CREB3L2: variants seen among roughly 807,000 people sequenced by gnomAD.
The protein encoded by CREB3L2 is cAMP responsive element binding protein 3 like 2, also known as cyclic AMP-responsive element-binding protein 3-like protein 2.
Under a neutral mutation model 57.2 loss-of-function variants are expected in CREB3L2, and 23 were observed. The ratio of observed to expected loss-of-function variants is 0.40; its 90% CI spans 0.29 to 0.57. The LOEUF is 0.57. Ranked by LOEUF, CREB3L2 falls within the 20% of genes least tolerant of loss-of-function variation. The pLI, the probability that CREB3L2 is intolerant of heterozygous loss-of-function variation, is 0.42. For synonymous variants in CREB3L2, 268 were observed against 265.1 expected (o/e 1.01, Z -0.11); for missense variants, 628 against 634.7 (o/e 0.99, Z 0.11).
intron 8 of CREB3L2, among the ~76,000 whole-genome samples, chr7:137,899,515 G>A (rs150847033): frequency 6.6e-6 from 1 of 151,792 alleles, no homozygotes; most frequent in Non-Finnish European, 1.5e-5. Context: ...ATGCTGGCTC[G>A]GGGAGCAGGA....
Position 137,991,634 on chromosome 7 carries a change from C to T in CREB3L2, c.102+9970G>A, listed in dbSNP as rs190489754. Among the ~76,000 whole-genome samples the T allele has an allele frequency of 4.6e-3, 693 of 152,198 alleles. 4 individuals are homozygous for T. The highest frequency in any genetic ancestry group is 0.016 in the African/African-American group (653 of 41,554). On this transcript the variant is annotated intron_variant, in intron 1 of 11. Transcript: ENST00000330387. ...ATAGATCAAAAGGCACGGCCGAGCA[C>T]AGTGGCTCATGCCTGTAATCCCAGC... is the stretch of plus-strand genomic sequence containing the variant.
chr7:137,967,744 G>A (rs1038574329), intron 1 of CREB3L2, among the ~76,000 whole-genome samples: 9 of 152,282 alleles, frequency 5.9e-5, no homozygotes, highest in East Asian at 1.9e-4. Flanking sequence ...CCAGGAACAG[G>A]AAGCCTGCCC....
At position 137,980,742 on chromosome 7, in the gene CREB3L2, T is replaced by G. The variant is rs1416946829; in HGVS notation, c.102+20862A>C. Reference sequence around the variant, plus strand: ...CAGGATTTCAACTGAGAGGGAGGAGTTGGGAAAGGCAAACTAGGAAACAAT... The same window carrying G: ...CAGGATTTCAACTGAGAGGGAGGAGGTGGGAAAGGCAAACTAGGAAACAAT... On this transcript the variant is annotated intron_variant, in intron 1 of 11. Coordinates refer to ENST00000330387, the MANE Select transcript of CREB3L2 (RefSeq NM_194071.4). The surrounding 1 kb of genome is among the most constrained non-coding windows in gnomAD (Gnocchi z 4.3). 6.6e-6 allele frequency among the ~76,000 whole-genome samples: 1 copy of G among 151,916 alleles called. No individual in the cohort carries two copies. Among genetic ancestry groups the G allele is most frequent in the Non-Finnish European group, 1.5e-5 (1 of 67,988 alleles).
At chr7:137,927,120 C>G (rs564427949) in intron 2 of CREB3L2, among the ~76,000 whole-genome samples, 176 of 151,610 alleles carry the variant, frequency 1.2e-3, no homozygotes, top group Non-Finnish European at 2.1e-3. Context: ...GATCATACCA[C>G]TGAACTGTAG....
chr7:137,883,536 C>T (rs1395707402), intron 10 of CREB3L2, among the ~76,000 whole-genome samples: 1 of 152,102 alleles, frequency 6.6e-6, no homozygotes, highest in Non-Finnish European at 1.5e-5. Flanking sequence ...TACATATGTA[C>T]TTATGATAAA....
At chr7:137,965,048 G>C (rs1397324024) in intron 1 of CREB3L2, among the ~76,000 whole-genome samples, 1 of 152,212 alleles carries the variant, frequency 6.6e-6, no homozygotes. Flanking sequence ...TATCAGCAGC[G>C]TAAGAACAGA....
At chr7:137,965,500 T>C (rs1042596819) in intron 1 of CREB3L2, among the ~76,000 whole-genome samples, 5 of 152,206 alleles carry the variant, frequency 3.3e-5, no homozygotes, top group African/African-American at 9.7e-5. Context: ...ATTGTTAATA[T>C]TAAAATGTTA....
At chr7:137,892,565 G>A (rs554901228) in intron 8 of CREB3L2, among the ~76,000 whole-genome samples, 35 of 152,164 alleles carry the variant, frequency 2.3e-4, no homozygotes, top group Non-Finnish European at 4.0e-4. Context: ...AACAAGAATC[G>A]CTTGAACCCG....
chr7:137,985,333 C>T (rs1157762465), intron 1 of CREB3L2, among the ~76,000 whole-genome samples: 2 of 152,202 alleles, frequency 1.3e-5, no homozygotes, highest in Non-Finnish European at 2.9e-5. Context: ...TGCTTGGGAA[C>T]AGCCAAGGCT....
intron 1 of CREB3L2, among the ~76,000 whole-genome samples, chr7:137,944,106 T>C (rs1411430111): frequency 1.3e-5 from 2 of 152,226 alleles, no homozygotes; most frequent in African/African-American, 4.8e-5. Flanking sequence ...TTGCAAAGTC[T>C]GGGTGTCTAA....
At chr7:137,997,886 G>A (rs367865638) in intron 1 of CREB3L2, among the ~76,000 whole-genome samples, 10 of 152,108 alleles carry the variant, frequency 6.6e-5, no homozygotes, top group African/African-American at 2.2e-4. Flanking sequence ...TTCTTCTCAC[G>A]GTGGTACCGA....
chr7:137,913,065 C>A lies in CREB3L2; in HGVS notation c.509G>T (p.Cys170Phe). The A allele has an allele frequency of 6.2e-7, 1 of 1,613,046 alleles. No individual in the cohort carries two copies. Among genetic ancestry groups the A allele is most frequent in the Non-Finnish European group, 8.5e-7 (1 of 1,179,692 alleles). The change falls in exon 4 of 12, where the codon TGC becomes TTC. Residue 170 changes from cysteine (C) to phenylalanine (F), a missense_variant. By Grantham distance (205) the Cys-to-Phe change is radical. Around this residue, in one of 3 missense-constraint regions of CREB3L2, gnomAD observed 339 missense variants for 355.4 expected, o/e 0.95. Coordinates refer to ENST00000330387, the MANE Select transcript of CREB3L2 (RefSeq NM_194071.4). ...LEMNTGVDSS[C>F]QTIIPKIKLE... ...CTTAATTTTAGGAATAATGGTCTGGCACGAGGAATCAACCTGGAGGAAGAA... is the reference window on the plus strand; with the variant it reads ...CTTAATTTTAGGAATAATGGTCTGGAACGAGGAATCAACCTGGAGGAAGAA...
chr7:137,929,380 G>A (rs1388325498), intron 1 of CREB3L2, among the ~76,000 whole-genome samples: 1 of 151,968 alleles, frequency 6.6e-6, no homozygotes, highest in Non-Finnish European at 1.5e-5. Flanking sequence ...GAAGGGCAGG[G>A]GTGGGGCATT....
intron 2 of CREB3L2, among the ~76,000 whole-genome samples, chr7:137,927,685 T>A (rs1349312264): frequency 6.6e-6 from 1 of 151,464 alleles, no homozygotes; most frequent in Non-Finnish European, 1.5e-5. Context: ...TCTAGGAATG[T>A]CCACTAAGAT....
At chr7:137,907,467 A>C (rs1585612683) in intron 5 of CREB3L2, among the ~76,000 whole-genome samples, 1 of 152,196 alleles carries the variant, frequency 6.6e-6, no homozygotes, top group Non-Finnish European at 1.5e-5. Flanking sequence ...GTAACGATGA[A>C]ATTTAAGAAT....
chr7:137,924,900 T>C (rs1281117394), intron 2 of CREB3L2, among the ~76,000 whole-genome samples: 1 of 152,216 alleles, frequency 6.6e-6, no homozygotes, highest in East Asian at 1.9e-4. Context: ...TGTGGAATCT[T>C]AGAACAGTTA....
chr7:137,878,314 T>A lies in CREB3L2; in HGVS notation c.*2162A>T, dbSNP rs1378359722. On this transcript the variant is annotated 3_prime_UTR_variant, in exon 12 of 12. Transcript: ENST00000330387. ...AGCAGGTACATGGGTTGGCTCATTCTCTCACTTCTGCCCCTAAATTTGAAA... is the reference window on the plus strand; with the variant it reads ...AGCAGGTACATGGGTTGGCTCATTCACTCACTTCTGCCCCTAAATTTGAAA... 4.3e-6 allele frequency: 1 copy of A among 232,850 alleles called. No individual in the cohort carries two copies. Among genetic ancestry groups the A allele is most frequent in the African/African-American group, 2.2e-5 (1 of 45,236 alleles). 14.4% of individuals were successfully genotyped at this position (232,850 alleles called of 1,614,324 possible).
intron 4 of CREB3L2, 70 bp downstream of exon 4, chr7:137,912,921 C>T: frequency 6.3e-7 from 1 of 1,595,740 alleles, no homozygotes; most frequent in Non-Finnish European, 8.5e-7. Context: ...AGCTCTCTCG[C>T]CATATTCCCT....
intron 1 of CREB3L2, among the ~76,000 whole-genome samples, chr7:137,938,451 T>G (rs1400579099): frequency 6.6e-6 from 1 of 152,060 alleles, no homozygotes; most frequent in Non-Finnish European, 1.5e-5. Context: ...GTTCAAGCGA[T>G]TCTCTTGCCT....
Sources: gnomAD v4.1 joint callset for allele counts (sites outside exome capture counted in the v4.1 genomes callset) on GRCh38, gnomAD v4.1.1 for gene constraint, gnomAD v4.1.1 regional missense constraint, Gnocchi (gnomAD v3.1) non-coding constraint, MANE v1.5 for transcripts, NCBI Gene and HGNC (gene_info 2026-07-23, HGNC 2026-07-21) for gene names.